The following DLGAP1 variants were observed in gnomAD, a reference collection of about 807,000 sequenced individuals.
The protein encoded by DLGAP1 is DLG associated protein 1.
In DLGAP1, 11 loss-of-function variants were observed where a neutral mutation model predicts 90.8. The observed-to-expected ratio is 0.12, with a 90% CI of 0.08 to 0.20. The LOEUF (loss-of-function observed/expected upper bound fraction) is 0.20. Ranked by LOEUF, DLGAP1 falls within the 10% of genes least tolerant of loss-of-function variation. DLGAP1 has a pLI of 1.00. For synonymous variants in DLGAP1, 558 were observed against 540.7 expected (o/e 1.03, Z -0.44); for missense variants, 1,050 against 1,333.8 (o/e 0.79, Z 3.31).
chr18:3,898,016 G>C lies in DLGAP1; in HGVS notation c.-72-17876C>G, dbSNP rs192634183. 1.0e-3 allele frequency among the ~76,000 whole-genome samples: 159 copies of C among 151,844 alleles called. 3 individuals are homozygous for C. The highest frequency in any genetic ancestry group is 6.8e-3 in the Middle Eastern group (2 of 294). On this transcript the variant is annotated intron_variant, in intron 3 of 12. Transcript: ENST00000315677. ...TCACCTTGTTAGCCAGGATGGTCTC[G>C]ATCTCCTGACCTCGTGATCCGCCCG...
intron 5 of DLGAP1, among the ~76,000 whole-genome samples, chr18:3,752,646 C>G (rs1169442172): frequency 7.0e-6 from 1 of 142,724 alleles, no homozygotes; most frequent in African/African-American, 2.6e-5. Flanking sequence ...CCCTCTCTCT[C>G]TCTCCTTCCT....
chr18:3,913,265 AT>A (rs11354625), intron 3 of DLGAP1, among the ~76,000 whole-genome samples: 4,312 of 151,964 alleles, frequency 0.028, 198 homozygotes, highest in African/African-American at 0.096. Flanking sequence ...TAATTTTTAA[AT>A]TTTTTTGTTT....
intron 1 of DLGAP1, among the ~76,000 whole-genome samples, chr18:4,290,840 C>T (rs114624063): frequency 0.018 from 2,724 of 152,208 alleles, 93 homozygotes; most frequent in African/African-American, 0.062. Context: ...TGTGGTCTAT[C>T]TTTTTCACGC....
chr18:3,660,510 A>C lies in DLGAP1; in HGVS notation c.1591+68625T>G, dbSNP rs1432723957. Among the ~76,000 whole-genome samples, 1 of 152,218 alleles carries C rather than the reference A, an allele frequency of 6.6e-6. No individual in the cohort carries two copies. The highest frequency in any genetic ancestry group is 1.5e-5 in the Non-Finnish European group (1 of 68,042). The stretch of plus-strand genomic sequence containing the variant: ...GCAAACACACAAAAAATATTTACTG[A>C]ATGAAAAGGTGATCATTCCCGAGTA... On this transcript the variant is annotated intron_variant, in intron 7 of 12. Transcript: ENST00000315677. This position sits in a 1 kb window ranked among gnomAD's most constrained non-coding sequence, Gnocchi z 4.2.
chr18:3,999,771 T>C (rs557387998), intron 3 of DLGAP1, among the ~76,000 whole-genome samples: 36 of 152,326 alleles, frequency 2.4e-4, no homozygotes, highest in African/African-American at 8.7e-4. Flanking sequence ...CCTACATTAT[T>C]TGCTTGTGCG....
intron 1 of DLGAP1, among the ~76,000 whole-genome samples, chr18:4,322,896 G>A (rs1354405716): frequency 1.5e-5 from 2 of 134,346 alleles, no homozygotes; most frequent in African/African-American, 5.4e-5. Context: ...GGGAGGCGGA[G>A]ATTGCAGTAA....
intron 2 of DLGAP1, among the ~76,000 whole-genome samples, chr18:4,080,053 C>T (rs181064937): frequency 1.3e-5 from 2 of 152,204 alleles, no homozygotes. Context: ...TGGGTTTCAT[C>T]CCAGAGTCTG....
At chr18:3,974,087 T>A (rs1337337212) in intron 3 of DLGAP1, among the ~76,000 whole-genome samples, 2 of 152,124 alleles carry the variant, frequency 1.3e-5, no homozygotes, top group East Asian at 1.9e-4. Context: ...TTATTTTTTT[T>A]TTTTTTGAGA....
chr18:4,075,832 T>C (rs1268022689), intron 2 of DLGAP1, among the ~76,000 whole-genome samples: 1 of 152,190 alleles, frequency 6.6e-6, no homozygotes, highest in African/African-American at 2.4e-5. Flanking sequence ...AAATACGACA[T>C]GAGTTTATTG....
At chr18:4,309,492 A>G (rs916303081) in intron 1 of DLGAP1, among the ~76,000 whole-genome samples, 5 of 152,196 alleles carry the variant, frequency 3.3e-5, no homozygotes, top group African/African-American at 9.6e-5. Flanking sequence ...TGGAAGGCTG[A>G]GTCAGGATGA....
chr18:3,821,864 T>C (rs1190195419), intron 4 of DLGAP1: 1 of 977,192 alleles, frequency 1.0e-6, no homozygotes, highest in East Asian at 1.1e-4. Context: ...CTAAGCACTT[T>C]TAGTGGGCTC....
chr18:3,841,388 T>C (rs1282472122), intron 4 of DLGAP1, among the ~76,000 whole-genome samples: 3 of 152,196 alleles, frequency 2.0e-5, no homozygotes, highest in South Asian at 2.1e-4. Flanking sequence ...ACTTTCAGTT[T>C]AATTTAAGGG....
chr18:3,818,636 C>T (rs1042178504), intron 4 of DLGAP1, among the ~76,000 whole-genome samples: 3 of 150,718 alleles, frequency 2.0e-5, no homozygotes, highest in Non-Finnish European at 2.9e-5. Flanking sequence ...GTGTCTCGCT[C>T]TGTCACCAAG....
chr18:4,340,425 T>C (rs1437546763), intron 1 of DLGAP1, among the ~76,000 whole-genome samples: 1 of 152,190 alleles, frequency 6.6e-6, no homozygotes, highest in Non-Finnish European at 1.5e-5. Flanking sequence ...ATTTCATATT[T>C]TCAGACTGCG....
chr18:3,639,817 C>T (rs1004675319), intron 7 of DLGAP1, among the ~76,000 whole-genome samples: 2 of 132,944 alleles, frequency 1.5e-5, no homozygotes, highest in Non-Finnish European at 3.1e-5. Flanking sequence ...TGCAGTGGCG[C>T]GATCTCGGCT....
At chr18:4,115,573 C>T (rs553351821) in intron 2 of DLGAP1, among the ~76,000 whole-genome samples, 1 of 151,944 alleles carries the variant, frequency 6.6e-6, no homozygotes, top group African/African-American at 2.4e-5. Context: ...GCAAGCTCTG[C>T]CTCCGGGGTT....
chr18:4,028,813 T>C (rs185662913), intron 2 of DLGAP1, among the ~76,000 whole-genome samples: 66 of 152,328 alleles, frequency 4.3e-4, no homozygotes, highest in East Asian at 7.7e-4. Context: ...CTCAAATGCA[T>C]CACATTATTT....
chr18:4,217,859 T>C (rs995107331), intron 1 of DLGAP1, among the ~76,000 whole-genome samples: 1 of 152,096 alleles, frequency 6.6e-6, no homozygotes, highest in Non-Finnish European at 1.5e-5. Flanking sequence ...TGGAGATCCC[T>C]CAATAAAACC....
chr18:4,148,994 A>G (rs909952496), intron 2 of DLGAP1, among the ~76,000 whole-genome samples: 31 of 152,240 alleles, frequency 2.0e-4, no homozygotes, highest in Non-Finnish European at 1.5e-4. Context: ...TTCATCTAAC[A>G]TTATGCCCAG....
Sources: gnomAD v4.1 joint callset for allele counts (sites outside exome capture counted in the v4.1 genomes callset) on GRCh38, gnomAD v4.1.1 for gene constraint, Gnocchi (gnomAD v3.1) non-coding constraint, MANE v1.5 for transcripts, NCBI Gene and HGNC (gene_info 2026-07-23, HGNC 2026-07-21) for gene names.